The following CECR2 variants were observed in gnomAD, a reference collection of about 807,000 sequenced individuals.
CECR2 encodes chromatin remodeling regulator CECR2.
CECR2 carries 30 observed loss-of-function variants against 154.5 expected under a neutral mutation model. That is an observed-to-expected ratio of 0.19 (90% confidence interval 0.15 to 0.26). The LOEUF is 0.26. Among genes scored for constraint, CECR2 ranks in the 10% least tolerant of loss-of-function variants. The pLI, the probability that CECR2 is intolerant of heterozygous loss-of-function variation, is 1.00. For missense variants in CECR2, 1,743 were observed against 1,829.3 expected, an observed-to-expected ratio of 0.95 and a Z score of 0.86; for synonymous variants, 725 against 683.7, an observed-to-expected ratio of 1.06 and a Z score of -0.94.
intron 1 of CECR2, among the ~76,000 whole-genome samples, chr22:17,417,519 T>C (rs2054173887): frequency 6.6e-6 from 1 of 152,206 alleles, no homozygotes; most frequent in Non-Finnish European, 1.5e-5. Flanking sequence ...GATCTCGCTA[T>C]GTTGCCTCAG....
intron 9 of CECR2, among the ~76,000 whole-genome samples, chr22:17,535,132 C>T (rs150196494): frequency 0.028 from 4,271 of 151,760 alleles, 178 homozygotes; most frequent in African/African-American, 0.099. Flanking sequence ...GCCTGAGCGA[C>T]AGAGTGAGAC....
chr22:17,539,228 A>G, intron 13 of CECR2, 109 bp downstream of exon 13: 2 of 1,244,180 alleles, frequency 1.6e-6, no homozygotes, highest in South Asian at 1.4e-5. Context: ...CAGTGAACAG[A>G]ATGTGTATGA....
rs1346955897 is a variant in CECR2, at chr22:17,539,127, G to A, written c.1495+8G>A. The A allele has an allele frequency of 2.5e-5, 41 of 1,611,970 alleles. No individual in the cohort carries two copies. The Admixed American group carries it at 6.8e-4, about 27-fold the overall frequency. ...ATAATGGGGAAAGTAGTGGTAAGCA[G>A]GGAAGGAGTTTGTGCTAGATACATA... On this transcript the variant is annotated splice_region_variant and intron_variant, in intron 13 of 18. Coordinates refer to ENST00000262608, the MANE Select transcript of CECR2 (RefSeq NM_001290047.2).
intron 1 of CECR2, among the ~76,000 whole-genome samples, chr22:17,391,739 GAAATA>G (rs1231900771): frequency 5.9e-5 from 9 of 152,346 alleles, no homozygotes; most frequent in African/African-American, 2.2e-4. Flanking sequence ...AAAGTATAAT[GAAATA>G]AAATTGTAAA....
At chr22:17,430,280 C>A (rs80083295) in intron 1 of CECR2, among the ~76,000 whole-genome samples, 3 of 152,154 alleles carry the variant, frequency 2.0e-5, no homozygotes. Flanking sequence ...ATTTGTTTAG[C>A]AAAATGGTGT....
intron 1 of CECR2, among the ~76,000 whole-genome samples, chr22:17,421,870 A>G (rs1406390654): frequency 7.4e-6 from 1 of 135,096 alleles, no homozygotes. Flanking sequence ...AACAAAAAAA[A>G]CTTTTTTTTT....
intron 1 of CECR2, among the ~76,000 whole-genome samples, chr22:17,444,063 G>A (rs1310323680): frequency 1.3e-5 from 2 of 152,094 alleles, no homozygotes; most frequent in African/African-American, 2.4e-5. Context: ...GCACACATAC[G>A]CACTTGGCTG....
intron 16 of CECR2, among the ~76,000 whole-genome samples, chr22:17,546,157 T>C (rs375744629): frequency 6.6e-6 from 1 of 152,190 alleles, no homozygotes; most frequent in South Asian, 2.1e-4. Flanking sequence ...TTTTCTAATA[T>C]TGATTTCAAG....
chr22:17,369,125 C>T (rs977234844), upstream of CECR2, among the ~76,000 whole-genome samples: 4 of 152,126 alleles, frequency 2.6e-5, no homozygotes, highest in Non-Finnish European at 2.9e-5. Flanking sequence ...ACCCCGCGGG[C>T]CCTTTAAAAG....
chr22:17,523,613 G>T (rs770825494), intron 8 of CECR2, among the ~76,000 whole-genome samples: 4 of 151,658 alleles, frequency 2.6e-5, no homozygotes. Context: ...AAAATTAGCC[G>T]GGCGTGGTGG....
intron 9 of CECR2, among the ~76,000 whole-genome samples, chr22:17,529,136 A>G (rs2056311894): frequency 6.6e-6 from 1 of 152,206 alleles, no homozygotes; most frequent in Non-Finnish European, 1.5e-5. Flanking sequence ...TGACATTTAA[A>G]TAAAGTGAAT....
chr22:17,469,919 C>T (rs181775811), intron 1 of CECR2, among the ~76,000 whole-genome samples: 1 of 152,214 alleles, frequency 6.6e-6, no homozygotes, highest in African/African-American at 2.4e-5. Context: ...TTTTGCCTGT[C>T]CTCCCTCCTA....
chr22:17,394,656 C>G (rs2053781493), intron 1 of CECR2, among the ~76,000 whole-genome samples: 1 of 152,132 alleles, frequency 6.6e-6, no homozygotes, highest in Non-Finnish European at 1.5e-5. Context: ...CCTTTGGAAT[C>G]AGTTTTGTCA....
intron 1 of CECR2, among the ~76,000 whole-genome samples, chr22:17,377,891 C>T (rs2063135243): frequency 6.6e-6 from 1 of 152,134 alleles, no homozygotes; most frequent in Non-Finnish European, 1.5e-5. Flanking sequence ...TCCTTTAATC[C>T]TCTGGGTTTC....
At chr22:17,398,217 A>G (rs927051281) in intron 1 of CECR2, among the ~76,000 whole-genome samples, 1 of 151,700 alleles carries the variant, frequency 6.6e-6, no homozygotes, top group African/African-American at 2.4e-5. Context: ...GGGGGGTATT[A>G]TAAAATATAA....
intron 7 of CECR2, among the ~76,000 whole-genome samples, chr22:17,509,428 T>A (rs1258863964): frequency 4.4e-5 from 2 of 45,138 alleles, no homozygotes; most frequent in Non-Finnish European, 5.5e-5. Context: ...GTTTCTTTTC[T>A]TTTTTTTTTT....
intron 9 of CECR2, among the ~76,000 whole-genome samples, chr22:17,534,390 A>G (rs1446415504): frequency 6.6e-6 from 1 of 152,230 alleles, no homozygotes; most frequent in East Asian, 1.9e-4. Context: ...TTCCAGATAC[A>G]CTAAAGGCCA....
chr22:17,457,534 C>G (rs1189678518), intron 1 of CECR2, among the ~76,000 whole-genome samples: 2 of 152,228 alleles, frequency 1.3e-5, no homozygotes, highest in African/African-American at 4.8e-5. Context: ...ATAAGCTCCC[C>G]AAGGGCAGGG....
intron 1 of CECR2, among the ~76,000 whole-genome samples, chr22:17,437,298 T>G (rs1397409237): frequency 6.6e-6 from 1 of 152,104 alleles, no homozygotes; most frequent in Non-Finnish European, 1.5e-5. Flanking sequence ...ATCAAGTTGT[T>G]TCACGCGTTG....
Sources: allele counts gnomAD v4.1 joint callset (sites outside exome capture counted in the v4.1 genomes callset), GRCh38; gene constraint gnomAD v4.1.1; transcripts MANE v1.5; gene names NCBI Gene and HGNC (gene_info 2026-07-23, HGNC 2026-07-21).